ST18: variants seen among roughly 807,000 people sequenced by gnomAD.
ST18 encodes ST18 C2H2C-type zinc finger transcription factor.
ST18 carries 50 observed loss-of-function variants against 110.0 expected under a neutral mutation model. The observed-to-expected ratio is 0.45, with a 90% CI of 0.36 to 0.58. The LOEUF (loss-of-function observed/expected upper bound fraction) is 0.58. ST18 is among the 20% of genes least tolerant of loss of function. ST18 has a pLI of 0.00. For missense variants in ST18, 1,306 were observed against 1,280.1 expected (o/e 1.02, Z -0.31); for synonymous variants, 461 against 452.4 (o/e 1.02, Z -0.24).
intron 8 of ST18, among the ~76,000 whole-genome samples, chr8:52,197,412 TTTA>T (rs1335714917): frequency 6.6e-6 from 1 of 152,190 alleles, no homozygotes; most frequent in Admixed American, 6.5e-5. Context: ...AACGATCTCA[TTTA>T]TTCACAAAGT....
chr8:52,140,139 G>T (rs2054335650), intron 17 of ST18, among the ~76,000 whole-genome samples: 1 of 152,142 alleles, frequency 6.6e-6, no homozygotes, highest in African/African-American at 2.4e-5. Context: ...ATAAGGACAG[G>T]GTGACATGGA....
At chr8:52,357,803 A>G (rs536218539) in intron 2 of ST18, among the ~76,000 whole-genome samples, 2 of 147,730 alleles carry the variant, frequency 1.4e-5, no homozygotes, top group South Asian at 4.3e-4. Flanking sequence ...ATGTTAATGA[A>G]TAGATCCATA....
At chr8:52,146,581 A>G (rs888711526) in intron 16 of ST18, among the ~76,000 whole-genome samples, 1 of 152,098 alleles carries the variant, frequency 6.6e-6, no homozygotes, top group African/African-American at 2.4e-5. Context: ...ATCTGATAAT[A>G]ATCCTGCTTT....
intron 16 of ST18, 112 bp downstream of exon 16, chr8:52,149,620 G>T: frequency 7.2e-7 from 1 of 1,397,806 alleles, no homozygotes; most frequent in Non-Finnish European, 9.5e-7. Flanking sequence ...GCAAGGTACA[G>T]AATTATGTAT....
chr8:52,234,510 G>A (rs1321702146), intron 2 of ST18, among the ~76,000 whole-genome samples: 4 of 151,884 alleles, frequency 2.6e-5, no homozygotes, highest in Non-Finnish European at 2.9e-5. Context: ...TAATCCATCC[G>A]CCTTGGCCTC....
rs575154711 is a variant in ST18 at position 52,311,236 on chromosome 8, C to A, written c.-464-81159G>T. Among the ~76,000 whole-genome samples, 3 of 152,322 alleles carry A rather than the reference C, an allele frequency of 2.0e-5. No individual in the cohort carries two copies. The East Asian group carries it at 5.8e-4, about 29-fold the overall frequency. On this transcript the variant is annotated intron_variant, in intron 2 of 25. Coordinates refer to ENST00000689386, the MANE Select transcript of ST18 (RefSeq NM_001352837.2). The stretch of plus-strand genomic sequence containing the variant: ...TTCCTGCGGGGCTCAGCAGTGAGGA[C>A]CAGGCTGAGCTGGACATTGAAGGGC...
chr8:52,135,891 T>C (rs1273588595), intron 19 of ST18, among the ~76,000 whole-genome samples: 1 of 152,216 alleles, frequency 6.6e-6, no homozygotes, highest in African/African-American at 2.4e-5. Flanking sequence ...TACTCATTTT[T>C]TCTAAAGCTT....
At chr8:52,300,056 T>A (rs2095693745) in intron 2 of ST18, among the ~76,000 whole-genome samples, 1 of 152,238 alleles carries the variant, frequency 6.6e-6, no homozygotes, top group South Asian at 2.1e-4. Flanking sequence ...TTGAGGTCCC[T>A]GATTGTAAAT....
rs558322797 is a variant in ST18 at position 52,339,014 on chromosome 8, C to T, written c.-465+70314G>A. 2.6e-4 allele frequency among the ~76,000 whole-genome samples: 39 copies of T among 152,254 alleles called. No homozygotes were observed. The South Asian group carries it at 7.7e-3, about 30-fold the overall frequency. On this transcript the variant is annotated intron_variant, in intron 2 of 25. Transcript: ENST00000689386. ...CCACCTCAGCCTCCCAAGTAGCTCA[C>T]AGTTCTTTAAGTCAGAAGTTCACTT...
rs556452000 is a variant in ST18 at position 52,180,934 on chromosome 8, A to C, written c.87-622T>G. On this transcript the variant is annotated intron_variant, in intron 8 of 25. Transcript: ENST00000689386. ...TTCTCACTCACTTGGCACACAGAAC[A>C]AATAAAAGGAGGAGAAATAAGATTG... 3.3e-5 allele frequency among the ~76,000 whole-genome samples: 5 copies of C among 152,358 alleles called. No individual in the cohort carries two copies. The South Asian group carries it at 1.0e-3, about 32-fold the overall frequency.
intron 2 of ST18, among the ~76,000 whole-genome samples, chr8:52,341,464 TC>T (rs1330888579): frequency 1.3e-5 from 2 of 152,182 alleles, no homozygotes; most frequent in Admixed American, 1.3e-4. Context: ...CGCATCCTAA[TC>T]CCTGGAAATG....
intron 2 of ST18, among the ~76,000 whole-genome samples, chr8:52,275,979 C>T (rs990163571): frequency 8.9e-6 from 1 of 112,770 alleles, no homozygotes; most frequent in African/African-American, 3.3e-5. Flanking sequence ...ATGCATACCA[C>T]ATCCTACACA....
intron 2 of ST18, among the ~76,000 whole-genome samples, chr8:52,369,301 T>A (rs1829364308): frequency 6.6e-6 from 1 of 152,190 alleles, no homozygotes; most frequent in South Asian, 2.1e-4. Flanking sequence ...TTAGTTGTGG[T>A]CCTGTCACTA....
intron 2 of ST18, among the ~76,000 whole-genome samples, chr8:52,328,966 G>T (rs375473491): frequency 6.6e-6 from 1 of 151,970 alleles, no homozygotes; most frequent in African/African-American, 2.4e-5. Context: ...TTCATAAAAC[G>T]CAACTTTCCC....
intron 2 of ST18, among the ~76,000 whole-genome samples, chr8:52,319,745 T>C (rs1803058446): frequency 6.6e-6 from 1 of 152,166 alleles, no homozygotes; most frequent in Non-Finnish European, 1.5e-5. Context: ...TCTGGTCAGA[T>C]GTGAACTGGG....
intron 2 of ST18, among the ~76,000 whole-genome samples, chr8:52,350,104 T>C (rs1265579921): frequency 6.6e-6 from 1 of 152,132 alleles, no homozygotes; most frequent in Non-Finnish European, 1.5e-5. Context: ...GGGATGAGCA[T>C]GGAGGGACCA....
At chr8:52,135,749 T>A (rs2051921650) in intron 19 of ST18, among the ~76,000 whole-genome samples, 1 of 152,044 alleles carries the variant, frequency 6.6e-6, no homozygotes, top group African/African-American at 2.4e-5. Context: ...TAAAAAAATT[T>A]TAAACAGCTT....
intron 2 of ST18, among the ~76,000 whole-genome samples, chr8:52,329,875 C>T (rs1808362130): frequency 6.6e-6 from 1 of 152,196 alleles, no homozygotes; most frequent in South Asian, 2.1e-4. Flanking sequence ...ATATCACTAC[C>T]TCCCCTTCTC....
chr8:52,273,002 A>C (rs1260813200), intron 2 of ST18, among the ~76,000 whole-genome samples: 1 of 152,240 alleles, frequency 6.6e-6, no homozygotes, highest in Admixed American at 6.5e-5. Context: ...CTGTACCTAG[A>C]GTCAACAATA....
Sources: allele counts gnomAD v4.1 joint callset (sites outside exome capture counted in the v4.1 genomes callset), GRCh38; gene constraint gnomAD v4.1.1; transcripts MANE v1.5; gene names NCBI Gene and HGNC (gene_info 2026-07-23, HGNC 2026-07-21).